The following AXDND1 variants were observed in gnomAD, a reference collection of about 807,000 sequenced individuals.
AXDND1 encodes the protein axonemal dynein light chain domain-containing protein 1.
A neutral mutation model predicts 137.5 loss-of-function variants in AXDND1; 110 were observed. The ratio of observed to expected loss-of-function variants is 0.80; its 90% CI spans 0.69 to 0.94. The LOEUF (loss-of-function observed/expected upper bound fraction) is 0.94, where lower values mean the gene tolerates loss of function less well. AXDND1 is among the 40% of genes least tolerant of loss of function. The pLI is 0.00. For missense variants in AXDND1, 1,191 were observed against 1,169.8 expected (o/e 1.02, Z -0.26); for synonymous variants, 414 against 399.7 (o/e 1.04, Z -0.43).
At position 179,501,016 on chromosome 1, in the gene AXDND1, C is replaced by T. The variant is rs906046803; in HGVS notation, c.2388+8065C>T. 9.2e-5 allele frequency among the ~76,000 whole-genome samples: 14 copies of T among 152,162 alleles called. 1 individual carries two copies. On this transcript the variant is annotated intron_variant, in intron 20 of 25. Coordinates refer to ENST00000367618, the MANE Select transcript of AXDND1 (RefSeq NM_144696.6). ...AATTCACCTCTCCAGTCATATTAGC[C>T]ATATTTTAAGTGCTTAATAGTACAT...
chr1:179,455,344 G>A (rs931005812), intron 16 of AXDND1: 1 of 148,364 alleles, frequency 6.7e-6, no homozygotes, highest in Admixed American at 6.7e-5. Context: ...TGTAATCCCA[G>A]CACTTTGAGA....
At chr1:179,369,199 T>A (rs1667776331) in intron 3 of AXDND1, among the ~76,000 whole-genome samples, 2 of 152,118 alleles carry the variant, frequency 1.3e-5, no homozygotes, top group Admixed American at 1.3e-4. Context: ...CACCTCAGCT[T>A]CCTGAGTAGC....
intron 12 of AXDND1, among the ~76,000 whole-genome samples, chr1:179,419,805 C>G (rs986876297): frequency 6.6e-6 from 1 of 152,122 alleles, no homozygotes; most frequent in South Asian, 2.1e-4. Flanking sequence ...ATTTTGTATA[C>G]TTGAAATATA....
intron 13 of AXDND1, among the ~76,000 whole-genome samples, chr1:179,429,907 T>A (rs1171044251): frequency 6.7e-6 from 1 of 149,990 alleles, no homozygotes. Flanking sequence ...AGCTGTGTTT[T>A]TTGAAATAGT....
chr1:179,545,750 A>C (rs1033110860), intron 25 of AXDND1: 2 of 152,232 alleles, frequency 1.3e-5, no homozygotes, highest in African/African-American at 4.8e-5. Context: ...GTCCCTTAGA[A>C]TGTGCCAAAT....
chr1:179,492,228 C>G (rs975365272), intron 19 of AXDND1, among the ~76,000 whole-genome samples: 1 of 152,078 alleles, frequency 6.6e-6, no homozygotes, highest in Non-Finnish European at 1.5e-5. Flanking sequence ...GCATGCACCA[C>G]GATGCCTGGG....
chr1:179,402,164 CAAA>C (rs552031518), intron 11 of AXDND1, among the ~76,000 whole-genome samples: 1 of 107,642 alleles, frequency 9.3e-6, no homozygotes. Flanking sequence ...GACTCCGTCT[CAAA>C]AAAAAAAAAA....
intron 18 of AXDND1, among the ~76,000 whole-genome samples, chr1:179,490,289 T>C (rs1666723507): frequency 6.6e-6 from 1 of 152,160 alleles, no homozygotes; most frequent in Non-Finnish European, 1.5e-5. Context: ...AGATCATGTT[T>C]AAGCCTAGAG....
intron 5 of AXDND1, 135 bp downstream of exon 5, chr1:179,378,892 C>T (rs1224806325): frequency 1.5e-6 from 1 of 689,080 alleles, no homozygotes; most frequent in African/African-American, 1.9e-5. Flanking sequence ...CACCAATCTT[C>T]ATAGCATTTT....
rs74518676 is a variant in AXDND1, at chr1:179,551,656, G to A, written c.3032-2856G>A. ...TTAATCACAATTTAAGGTGGAATGC[G>A]TTAGGAGCCATCACAAGTATAAATG... On this transcript the variant is annotated intron_variant, in intron 25 of 25. Coordinates refer to ENST00000367618, the MANE Select transcript of AXDND1 (RefSeq NM_144696.6). The A allele has an allele frequency of 8.7e-3, 5,210 of 598,596 alleles. 214 individuals carry two copies. The highest frequency in any genetic ancestry group is 0.085 in the African/African-American group (4,580 of 54,024). 37.1% of individuals were successfully genotyped at this position (598,596 alleles called of 1,614,324 possible).
chr1:179,525,692 A>T (rs747502411), intron 22 of AXDND1, among the ~76,000 whole-genome samples: 4 of 151,944 alleles, frequency 2.6e-5, no homozygotes, highest in African/African-American at 4.8e-5. Flanking sequence ...TAGAGATGGG[A>T]TCTTGCTATG....
intron 21 of AXDND1, among the ~76,000 whole-genome samples, chr1:179,518,328 G>A (rs1216878516): frequency 6.6e-6 from 1 of 150,794 alleles, no homozygotes; most frequent in Non-Finnish European, 1.5e-5. Flanking sequence ...CTGTCTATTA[G>A]TGGGTCATTA....
At chr1:179,444,489 C>G (rs992355173) in intron 15 of AXDND1, among the ~76,000 whole-genome samples, 5 of 151,922 alleles carry the variant, frequency 3.3e-5, no homozygotes, top group Admixed American at 3.3e-4. Context: ...TAAATTGTAC[C>G]TTATTTTTCC....
Position 179,462,677 on chromosome 1 carries a change from G to A in AXDND1, c.1799-5766G>A, listed in dbSNP as rs1662528978. On this transcript the variant is annotated intron_variant, in intron 16 of 25. Coordinates refer to ENST00000367618, the MANE Select transcript of AXDND1 (RefSeq NM_144696.6). ...TTTGGCTGTGAATCTGTCTGGTCCTGGTTGGTAAGCTATTAATTATTGCCT... is the reference window on the plus strand; with the variant it reads ...TTTGGCTGTGAATCTGTCTGGTCCTAGTTGGTAAGCTATTAATTATTGCCT... Among the ~76,000 whole-genome samples, 3 of 152,106 alleles carry A rather than the reference G, an allele frequency of 2.0e-5. 1 individual carries two copies. In the South Asian group the frequency reaches 6.2e-4, roughly 31 times the overall value.
intron 15 of AXDND1, among the ~76,000 whole-genome samples, chr1:179,442,984 A>G (rs1659216154): frequency 1.3e-5 from 2 of 152,166 alleles, no homozygotes; most frequent in Admixed American, 6.5e-5. Flanking sequence ...TAAAAGAGAT[A>G]GCGAGAAAGG....
chr1:179,416,136 C>A (rs558243055), intron 12 of AXDND1, among the ~76,000 whole-genome samples: 2 of 152,178 alleles, frequency 1.3e-5, no homozygotes, highest in Non-Finnish European at 2.9e-5. Flanking sequence ...AATCTACTCT[C>A]TATCTTCATG....
At position 179,395,147 on chromosome 1, in the gene AXDND1, G is replaced by C; in HGVS notation, c.1054G>C (p.Glu352Gln). 1 of 1,613,506 alleles carries C rather than the reference G, an allele frequency of 6.2e-7. No individual in the cohort carries two copies. Among genetic ancestry groups the C allele is most frequent in the Non-Finnish European group, 8.5e-7 (1 of 1,179,742 alleles). The change falls in exon 11 of 26, where the codon GAA becomes CAA. Residue 352 changes from glutamate to glutamine, a missense_variant. Physicochemically the swap from Glu to Gln is conservative, Grantham distance 29. Transcript: ENST00000367618. ...TGATGTGAAATTAACAAAGGAAACA[G>C]AAAAAGCCCACAAGGATTTGGCACA... Reference protein sequence around the residue: ...AHDVKLTKETEKAHKDLAQAL... With the variant: ...AHDVKLTKETQKAHKDLAQAL...
chr1:179,406,297 G>A (rs748757496), intron 11 of AXDND1, among the ~76,000 whole-genome samples: 2 of 152,174 alleles, frequency 1.3e-5, no homozygotes, highest in Non-Finnish European at 2.9e-5. Context: ...TGTGGAGAAT[G>A]TTCCATGTGC....
intron 9 of AXDND1, 124 bp downstream of exon 9, chr1:179,385,483 A>G (rs1160247893): frequency 1.8e-6 from 2 of 1,126,440 alleles, no homozygotes; most frequent in Admixed American, 4.6e-5. Context: ...AAGTAATCTA[A>G]CTGCATTTTT....
Sources: allele counts gnomAD v4.1 joint callset (sites outside exome capture counted in the v4.1 genomes callset), GRCh38; gene constraint gnomAD v4.1.1; transcripts MANE v1.5; gene names NCBI Gene and HGNC (gene_info 2026-07-23, HGNC 2026-07-21).